Variants in CSNK2A2 observed in about 807,000 individuals in gnomAD.
The protein encoded by CSNK2A2 is casein kinase II subunit alpha'.
CSNK2A2 carries 8 observed loss-of-function variants against 54.0 expected under a neutral mutation model. That is an observed-to-expected ratio of 0.15 (90% CI 0.09 to 0.27). The LOEUF (loss-of-function observed/expected upper bound fraction) is 0.27, where lower values mean the gene tolerates loss of function less well. Among genes scored for constraint, CSNK2A2 ranks in the 10% least tolerant of loss-of-function variants. The pLI is 1.00. For missense variants in CSNK2A2, 242 were observed against 439.4 expected (o/e 0.55, Z 4.02); for synonymous variants, 141 against 153.9 (o/e 0.92, Z 0.62).
intron 4 of CSNK2A2, among the ~76,000 whole-genome samples, chr16:58,183,427 A>C (rs1342495960): frequency 6.6e-6 from 1 of 151,790 alleles, no homozygotes; most frequent in Non-Finnish European, 1.5e-5. Context: ...TTTACCCAGA[A>C]CCATCCGTCC....
At position 58,165,678 on chromosome 16, in the gene CSNK2A2, G is replaced by T; in HGVS notation, c.858C>A (p.Ile286=). ...QHSRKRWENF[I]HSENRHLVSP... ...TGACAAGGTGTCTGTTCTCACTATGGATAAAGTTTTCCCAGCGTTTCCGTG... is the reference window on the plus strand; with the variant it reads ...TGACAAGGTGTCTGTTCTCACTATGTATAAAGTTTTCCCAGCGTTTCCGTG... The change falls in exon 10 of 12, where the codon ATC becomes ATA. Residue 286 remains isoleucine (I), a synonymous_variant. Coordinates refer to ENST00000262506, the MANE Select transcript of CSNK2A2 (RefSeq NM_001896.4). 6.2e-7 allele frequency: 1 copy of T among 1,611,584 alleles called. No individual in the cohort carries two copies. The highest frequency in any genetic ancestry group is 2.2e-5 in the East Asian group (1 of 44,860).
intron 4 of CSNK2A2, among the ~76,000 whole-genome samples, chr16:58,181,162 T>C (rs972591118): frequency 2.6e-5 from 4 of 152,190 alleles, no homozygotes; most frequent in African/African-American, 9.6e-5. Flanking sequence ...AGCAGGGAGA[T>C]TAAATCGTAA....
intron 2 of CSNK2A2, among the ~76,000 whole-genome samples, chr16:58,191,938 T>C (rs774048271): frequency 2.0e-5 from 3 of 152,196 alleles, no homozygotes; most frequent in Non-Finnish European, 4.4e-5. Context: ...AGTAACTGTT[T>C]GACGTCACAG....
intron 5 of CSNK2A2, among the ~76,000 whole-genome samples, chr16:58,171,973 ATATATATT>A (rs1237630256): frequency 7.9e-5 from 3 of 37,814 alleles, no homozygotes; most frequent in East Asian, 4.6e-4. Flanking sequence ...ATATATATAT[ATATATATT>A]TTTTTTTTTT....
At chr16:58,192,178 T>C (rs1447613300) in intron 2 of CSNK2A2, among the ~76,000 whole-genome samples, 2 of 152,186 alleles carry the variant, frequency 1.3e-5, no homozygotes, top group African/African-American at 4.8e-5. Flanking sequence ...AAGAAACTAG[T>C]TCTGGAACTC....
At chr16:58,194,712 T>C (rs906082162) in intron 2 of CSNK2A2, among the ~76,000 whole-genome samples, 3 of 152,316 alleles carry the variant, frequency 2.0e-5, no homozygotes, top group East Asian at 1.9e-4. Context: ...TTCAACATAA[T>C]GACATTAGGT....
At chr16:58,196,931 C>T (rs1383960449) in intron 1 of CSNK2A2, 87 bp from the exon 2 acceptor site, 1 of 831,890 alleles carries the variant, frequency 1.2e-6, no homozygotes, top group African/African-American at 1.7e-5. Context: ...GCCGCTTCCA[C>T]CAGGCAAACA....
intron 4 of CSNK2A2, among the ~76,000 whole-genome samples, chr16:58,180,920 C>T (rs1425692698): frequency 6.6e-6 from 1 of 152,162 alleles, no homozygotes; most frequent in Non-Finnish European, 1.5e-5. Flanking sequence ...GACTAAAGGA[C>T]ATCACGACGG....
intron 5 of CSNK2A2, among the ~76,000 whole-genome samples, chr16:58,170,033 G>A (rs34589437): frequency 0.11 from 16,222 of 151,822 alleles, 859 homozygotes; most frequent in East Asian, 0.15. Context: ...GCAACAAAGC[G>A]GGTCTCAAAA....
intron 5 of CSNK2A2, among the ~76,000 whole-genome samples, chr16:58,169,169 G>T (rs1022270442): frequency 6.6e-6 from 1 of 151,950 alleles, no homozygotes; most frequent in African/African-American, 2.4e-5. Flanking sequence ...CTCGTGATCC[G>T]CCAGCCTCGG....
Position 58,162,462 on chromosome 16 carries a change from TA to T in CSNK2A2, c.*17+1591del, listed in dbSNP as rs146535715. On this transcript the variant is annotated intron_variant, in intron 11 of 11. Transcript: ENST00000262506. ...TATAATAAGAGAAGAGTTTCATTTG[TA>T]TTTTAAGTTCCCACAGACCAAACGA... The T allele has an allele frequency of 6.4e-4, 98 of 152,362 alleles. 1 individual carries two copies. Among genetic ancestry groups the T allele is most frequent in the African/African-American group, 2.2e-3 (92 of 41,576 alleles). 9.4% of individuals were successfully genotyped at this position (152,362 alleles called of 1,614,324 possible).
chr16:58,178,931 A>AC (rs1567468987), intron 4 of CSNK2A2, among the ~76,000 whole-genome samples: 1 of 152,206 alleles, frequency 6.6e-6, no homozygotes, highest in East Asian at 1.9e-4. Context: ...GTGCAATCAA[A>AC]TTTTTAAAAA....
At chr16:58,179,478 G>C (rs1961968979) in intron 4 of CSNK2A2, among the ~76,000 whole-genome samples, 1 of 151,222 alleles carries the variant, frequency 6.6e-6, no homozygotes, top group Non-Finnish European at 1.5e-5. Flanking sequence ...TCCAGCCTGG[G>C]TGAGAGATAG....
intron 4 of CSNK2A2, among the ~76,000 whole-genome samples, chr16:58,174,861 A>G (rs569929660): frequency 1.3e-5 from 2 of 149,078 alleles, no homozygotes; most frequent in African/African-American, 4.8e-5. Flanking sequence ...CCGAACATCA[A>G]GAAAACTAAC....
intron 11 of CSNK2A2, chr16:58,161,316 AGAT>A (rs1273328606): frequency 6.6e-6 from 1 of 152,194 alleles, no homozygotes; most frequent in East Asian, 1.9e-4. Flanking sequence ...GCAGTACCTG[AGAT>A]GATAGTATAA....
chr16:58,179,021 T>A lies in CSNK2A2; in HGVS notation c.370-4511A>T, dbSNP rs544836726. 5.3e-5 allele frequency among the ~76,000 whole-genome samples: 8 copies of A among 152,280 alleles called. No individual in the cohort carries two copies. In the South Asian group the frequency reaches 1.7e-3, roughly 32 times the overall value. ...ACTGAAACAATAATTATAGAGAAAC[T>A]TTTGAGTATGAACTTATCTTAGATG... On this transcript the variant is annotated intron_variant, in intron 4 of 11. Transcript: ENST00000262506.
At chr16:58,169,261 C>A (rs770759895) in intron 5 of CSNK2A2, among the ~76,000 whole-genome samples, 3 of 151,950 alleles carry the variant, frequency 2.0e-5, no homozygotes, top group Non-Finnish European at 4.4e-5. Flanking sequence ...GTGATGAGGC[C>A]AGGCACAGTG....
chr16:58,161,708 G>A (rs1172207899), intron 11 of CSNK2A2: 3 of 152,180 alleles, frequency 2.0e-5, no homozygotes, highest in Non-Finnish European at 4.4e-5. Flanking sequence ...TCTGAAACTG[G>A]ACTCACTTCA....
intron 8 of CSNK2A2, 93 bp downstream of exon 8, chr16:58,167,114 A>G (rs560489273): frequency 7.8e-6 from 6 of 766,998 alleles, no homozygotes; most frequent in Non-Finnish European, 1.3e-5. Context: ...ACTGAGTGAT[A>G]CTTAGTGGCT....
Sources: gnomAD v4.1 joint callset for allele counts (sites outside exome capture counted in the v4.1 genomes callset) on GRCh38, gnomAD v4.1.1 for gene constraint, MANE v1.5 for transcripts, NCBI Gene and HGNC (gene_info 2026-07-23, HGNC 2026-07-21) for gene names.